MAN1C1: variants seen among roughly 807,000 people sequenced by gnomAD.
MAN1C1 encodes mannosidase alpha class 1C member 1.
Under a neutral mutation model 71.5 loss-of-function variants are expected in MAN1C1, and 49 were observed. That is an observed-to-expected ratio of 0.69 (90% CI 0.54 to 0.87). MAN1C1 has a LOEUF of 0.87. Among genes scored for constraint, MAN1C1 ranks in the 40% least tolerant of loss-of-function variants. The probability of loss-of-function intolerance (pLI) is 0.00; values close to 1 mark genes in which losing one functional copy is unlikely to be tolerated. For synonymous variants in MAN1C1, 352 were observed against 343.7 expected (o/e 1.02, Z -0.27); for missense variants, 743 against 835.0 (o/e 0.89, Z 1.36).
chr1:25,643,421 ATTTTTT>A (rs11326338), intron 1 of MAN1C1, among the ~76,000 whole-genome samples: 2 of 115,456 alleles, frequency 1.7e-5, no homozygotes, highest in Non-Finnish European at 3.5e-5. Flanking sequence ...CGCCTGGCTA[ATTTTTT>A]TTTTTTTTTT....
At chr1:25,729,951 C>T (rs919340441) in intron 2 of MAN1C1, among the ~76,000 whole-genome samples, 3 of 152,178 alleles carry the variant, frequency 2.0e-5, no homozygotes, top group Admixed American at 1.3e-4. Flanking sequence ...TAAACTTCCA[C>T]CTATTCTTAG....
intron 1 of MAN1C1, among the ~76,000 whole-genome samples, chr1:25,665,743 G>C (rs1225477286): frequency 1.3e-5 from 2 of 151,608 alleles, no homozygotes; most frequent in African/African-American, 4.9e-5. Context: ...TGCTGATTTT[G>C]AAAATGGCCC....
intron 2 of MAN1C1, among the ~76,000 whole-genome samples, chr1:25,688,859 A>G (rs1557766423): frequency 6.6e-6 from 1 of 152,216 alleles, no homozygotes; most frequent in Non-Finnish European, 1.5e-5. Context: ...TGAGGTTGGC[A>G]GTTGTCCCAG....
chr1:25,679,418 C>T (rs2046114869), intron 1 of MAN1C1, among the ~76,000 whole-genome samples: 1 of 152,106 alleles, frequency 6.6e-6, no homozygotes, highest in South Asian at 2.1e-4. Flanking sequence ...CATTGAGGAA[C>T]TGGGGGCTAA....
At chr1:25,671,202 C>T (rs964243641) in intron 1 of MAN1C1, among the ~76,000 whole-genome samples, 2 of 152,142 alleles carry the variant, frequency 1.3e-5, no homozygotes, top group African/African-American at 4.8e-5. Context: ...GTTCCATGTC[C>T]TTGGGCAAGT....
At chr1:25,741,876 C>G (rs1294182365) in intron 2 of MAN1C1, among the ~76,000 whole-genome samples, 1 of 152,160 alleles carries the variant, frequency 6.6e-6, no homozygotes, top group Non-Finnish European at 1.5e-5. Flanking sequence ...GAGGGAATGG[C>G]AAGTGGCCCA....
intron 5 of MAN1C1, among the ~76,000 whole-genome samples, chr1:25,755,620 C>T (rs2047275488): frequency 1.3e-5 from 2 of 152,222 alleles, no homozygotes; most frequent in South Asian, 2.1e-4. Flanking sequence ...ACCACAGGGA[C>T]TCCATTTTAC....
chr1:25,739,175 TTCCGTTGG>T (rs747708616), intron 2 of MAN1C1, among the ~76,000 whole-genome samples: 4 of 152,180 alleles, frequency 2.6e-5, no homozygotes, highest in Non-Finnish European at 5.9e-5. Flanking sequence ...TTCTGCTTCA[TTCCGTTGG>T]TCCAGATGAT....
chr1:25,674,323 C>T (rs1019407134), intron 1 of MAN1C1, among the ~76,000 whole-genome samples: 11 of 152,168 alleles, frequency 7.2e-5, no homozygotes, highest in Non-Finnish European at 1.3e-4. Context: ...GAGGTTGCCT[C>T]GTGTTGTCAC....
chr1:25,617,158 T>TCCGGCTC lies in MAN1C1; in HGVS notation c.-637_-631dup. Reference sequence around the variant, plus strand: ...GTGCCTGCTCCTGCTCCCTGGCCACTCCGGCTCCCAGCTCCCGGCGCCCTC... The same window carrying TCCGGCTC: ...GTGCCTGCTCCTGCTCCCTGGCCACTCCGGCTCCCGGCTCCCAGCTCCCGGCGCCCTC... On this transcript the variant is annotated 5_prime_UTR_variant, in exon 1 of 12. Coordinates refer to ENST00000374332, the MANE Select transcript of MAN1C1 (RefSeq NM_020379.4). The surrounding 1 kb of genome is among the most constrained non-coding windows in gnomAD (Gnocchi z 5.1). 6.6e-6 allele frequency among the ~76,000 whole-genome samples: 1 copy of TCCGGCTC among 151,446 alleles called. No homozygotes were observed. Among genetic ancestry groups the TCCGGCTC allele is most frequent in the East Asian group, 2.0e-4 (1 of 5,014 alleles).
chr1:25,712,207 C>G (rs1459782690), intron 2 of MAN1C1, among the ~76,000 whole-genome samples: 1 of 152,244 alleles, frequency 6.6e-6, no homozygotes, highest in Non-Finnish European at 1.5e-5. Flanking sequence ...CTATGCTCGG[C>G]CGGCGTCTTG....
chr1:25,768,935 C>G (rs1220179437), intron 7 of MAN1C1, among the ~76,000 whole-genome samples: 1 of 145,850 alleles, frequency 6.9e-6, no homozygotes, highest in East Asian at 2.1e-4. Context: ...CCCTTACACA[C>G]TACACACACA....
intron 5 of MAN1C1, among the ~76,000 whole-genome samples, chr1:25,758,044 T>A (rs1422081791): frequency 6.6e-6 from 1 of 152,224 alleles, no homozygotes; most frequent in African/African-American, 2.4e-5. Context: ...TCCATGAAAT[T>A]CCAGGCCGGG....
intron 2 of MAN1C1, among the ~76,000 whole-genome samples, chr1:25,703,029 G>A (rs965395107): frequency 5.9e-5 from 9 of 152,222 alleles, no homozygotes; most frequent in East Asian, 1.9e-4. Context: ...TCCATGTTCC[G>A]TCTCCAGAAA....
intron 5 of MAN1C1, among the ~76,000 whole-genome samples, chr1:25,757,212 G>A (rs114301015): frequency 2.8e-4 from 43 of 152,264 alleles, no homozygotes; most frequent in African/African-American, 9.1e-4. Context: ...ACACCCCCAC[G>A]CCTGCCTTCC....
intron 1 of MAN1C1, among the ~76,000 whole-genome samples, chr1:25,633,681 G>T (rs1015899795): frequency 6.6e-6 from 1 of 151,954 alleles, no homozygotes; most frequent in Non-Finnish European, 1.5e-5. Context: ...TATACGTTAG[G>T]TGAGTCTCTT....
intron 1 of MAN1C1, among the ~76,000 whole-genome samples, chr1:25,668,959 AG>A (rs1248054965): frequency 6.6e-6 from 1 of 152,204 alleles, no homozygotes; most frequent in Non-Finnish European, 1.5e-5. Flanking sequence ...AATCTCAGCT[AG>A]GCCTTTCTTT....
intron 7 of MAN1C1, among the ~76,000 whole-genome samples, chr1:25,766,602 T>C (rs2047430110): frequency 6.6e-6 from 1 of 151,380 alleles, no homozygotes; most frequent in African/African-American, 2.5e-5. Flanking sequence ...GAAACCGAGC[T>C]TCAGGGGTAA....
At chr1:25,618,453 C>A in intron 1 of MAN1C1, 116 bp downstream of exon 1, 1 of 1,036,144 alleles carries the variant, frequency 9.7e-7, no homozygotes, top group Non-Finnish European at 1.4e-6. Flanking sequence ...AGGTCTACTT[C>A]TGGCCCTGCA....
Sources: allele counts gnomAD v4.1 joint callset (sites outside exome capture counted in the v4.1 genomes callset), GRCh38; gene constraint gnomAD v4.1.1; non-coding constraint Gnocchi (gnomAD v3.1); transcripts MANE v1.5; gene names NCBI Gene and HGNC (gene_info 2026-07-23, HGNC 2026-07-21).